MICAL2: variants seen among roughly 807,000 people sequenced by gnomAD.
MICAL2 encodes [F-actin]-monooxygenase MICAL2.
A neutral mutation model predicts 127.3 loss-of-function variants in MICAL2; 77 were observed. That is an observed-to-expected ratio of 0.60 (90% CI 0.50 to 0.73). The LOEUF (loss-of-function observed/expected upper bound fraction) is 0.73, where lower values mean the gene tolerates loss of function less well. MICAL2 is among the 30% of genes least tolerant of loss of function. The pLI, the probability that MICAL2 is intolerant of heterozygous loss-of-function variation, is 0.00. For synonymous variants in MICAL2, 570 were observed against 551.1 expected (o/e 1.03, Z -0.48); for missense variants, 1,351 against 1,434.4 (o/e 0.94, Z 0.94).
At chr11:12,127,989 A>G (rs1851089019) in intron 1 of MICAL2, among the ~76,000 whole-genome samples, 1 of 152,228 alleles carries the variant, frequency 6.6e-6, no homozygotes, top group African/African-American at 2.4e-5. Flanking sequence ...TTAGACTAGC[A>G]CCTGACATAT....
At chr11:12,297,863 A>T (rs2134798288) in intron 29 of MICAL2, among the ~76,000 whole-genome samples, 1 of 151,986 alleles carries the variant, frequency 6.6e-6, no homozygotes, top group African/African-American at 2.4e-5. Flanking sequence ...TATTCCATTT[A>T]GTTGTCTGTT....
downstream of MICAL2, chr11:12,294,903 G>T: frequency 7.1e-7 from 1 of 1,415,374 alleles, no homozygotes; most frequent in Non-Finnish European, 9.2e-7. Flanking sequence ...ATGCTGGGCA[G>T]TTAGTAATCT....
intron 2 of MICAL2, among the ~76,000 whole-genome samples, chr11:12,139,791 A>G (rs1007068604): frequency 6.6e-6 from 1 of 152,210 alleles, no homozygotes; most frequent in African/African-American, 2.4e-5. Context: ...GTGAATTCCA[A>G]TGTTGTCTGA....
chr11:12,324,062 A>G, exon 31 of MICAL2: 2 of 1,612,388 alleles, frequency 1.2e-6, no homozygotes, highest in Non-Finnish European at 1.7e-6. Flanking sequence ...AAGACTCTAT[A>G]AGGCTCAGGT....
At position 12,236,260 on chromosome 11, in the gene MICAL2, T is replaced by G. The variant is rs1196620361; in HGVS notation, c.2064+15T>G. The stretch of plus-strand genomic sequence containing the variant: ...ACCTGGACGAGGTTTGTGTACACAG[T>G]GTGGCTTTAAACAGAGGCTCGTTTC... On this transcript the variant is annotated intron_variant, in intron 16 of 27. Coordinates refer to ENST00000683283, the MANE Select transcript of MICAL2 (RefSeq NM_001282663.2). 1 of 1,613,324 alleles carries G rather than the reference T, an allele frequency of 6.2e-7. No individual in the cohort carries two copies. Among genetic ancestry groups the G allele is most frequent in the Non-Finnish European group, 8.5e-7 (1 of 1,179,250 alleles).
chr11:12,357,419 G>C (rs1939145054), intron 34 of MICAL2, among the ~76,000 whole-genome samples: 1 of 152,194 alleles, frequency 6.6e-6, no homozygotes, highest in Non-Finnish European at 1.5e-5. Context: ...AAGAAGGTCA[G>C]GTACTCGAGA....
intron 6 of MICAL2, among the ~76,000 whole-genome samples, chr11:12,211,840 A>G (rs949473417): frequency 4.6e-5 from 7 of 152,202 alleles, no homozygotes; most frequent in Admixed American, 4.6e-4. Flanking sequence ...GAAACGGTCC[A>G]ATGGCGGCGG....
intron 21 of MICAL2, among the ~76,000 whole-genome samples, chr11:12,244,691 T>C (rs777042854): frequency 9.9e-5 from 15 of 152,076 alleles, no homozygotes; most frequent in Non-Finnish European, 2.1e-4. Context: ...GGGATTTTGC[T>C]AGAGAGAAGT....
intron 4 of MICAL2, among the ~76,000 whole-genome samples, chr11:12,205,887 A>C (rs1854616250): frequency 6.6e-6 from 1 of 152,186 alleles, no homozygotes; most frequent in South Asian, 2.1e-4. Context: ...GGTAGGTGGG[A>C]GGAGGGCCCT....
chr11:12,238,180 T>C (rs2706636), intron 16 of MICAL2, among the ~76,000 whole-genome samples: 21,245 of 152,182 alleles, frequency 0.14, 1,560 homozygotes, highest in East Asian at 0.16. Context: ...AGAATGTCTG[T>C]TCCTGTGAGG....
chr11:12,207,494 T>A (rs894954690), intron 4 of MICAL2, among the ~76,000 whole-genome samples: 2 of 152,182 alleles, frequency 1.3e-5, no homozygotes, highest in Non-Finnish European at 2.9e-5. Context: ...GGGTAAGAGA[T>A]GGGGAACCAT....
At chr11:12,115,731 A>G (rs1482286415) in intron 1 of MICAL2, among the ~76,000 whole-genome samples, 1 of 152,132 alleles carries the variant, frequency 6.6e-6, no homozygotes, top group Non-Finnish European at 1.5e-5. Flanking sequence ...CTATTTTTCA[A>G]AATTTTTTGT....
At chr11:12,311,037 T>A (rs758877235) in intron 29 of MICAL2, among the ~76,000 whole-genome samples, 1 of 152,210 alleles carries the variant, frequency 6.6e-6, no homozygotes, top group Non-Finnish European at 1.5e-5. Context: ...ATTGATTTTG[T>A]ATCCTGCAAA....
rs1590452950 is a variant in MICAL2, at chr11:12,224,900, G to T, written c.1688+80G>T. On this transcript the variant is annotated intron_variant, in intron 13 of 27. Coordinates refer to ENST00000683283, the MANE Select transcript of MICAL2 (RefSeq NM_001282663.2). The stretch of plus-strand genomic sequence containing the variant: ...GCTGCATGCAGAATCTTCATTACTT[G>T]GTTCAATATTTCTCTTTCTGTGTTT... 35 of 1,482,126 alleles carry T rather than the reference G, an allele frequency of 2.4e-5. 1 individual carries two copies. The East Asian group carries it at 7.6e-4, about 32-fold the overall frequency. The allele number at this position is 1,482,126 out of a possible 1,614,324, so 91.8% of individuals were successfully genotyped here.
downstream of MICAL2, chr11:12,292,179 C>G (rs773243596): frequency 1.2e-6 from 2 of 1,613,962 alleles, no homozygotes; most frequent in East Asian, 2.2e-5. Flanking sequence ...ATGTCACCTC[C>G]TAAGGACCCT....
intron 1 of MICAL2, among the ~76,000 whole-genome samples, chr11:12,133,620 G>GA (rs57094544): frequency 1.7e-3 from 232 of 140,094 alleles, no homozygotes; most frequent in Middle Eastern, 3.6e-3. Flanking sequence ...AGGTGACTGA[G>GA]AAAAAAAAAA....
At chr11:12,246,247 C>T (rs892515919) in intron 21 of MICAL2, among the ~76,000 whole-genome samples, 2 of 152,384 alleles carry the variant, frequency 1.3e-5, no homozygotes, top group Admixed American at 6.5e-5. Flanking sequence ...GTCCCCATCA[C>T]ATCAGCATCA....
At chr11:12,264,044 G>A (rs1446876211), downstream of MICAL2, among the ~76,000 whole-genome samples, 1 of 152,102 alleles carries the variant, frequency 6.6e-6, no homozygotes, top group East Asian at 1.9e-4. Context: ...CTAGATGCTG[G>A]GCATAGTGGG....
upstream of MICAL2, among the ~76,000 whole-genome samples, chr11:12,275,268 C>T (rs998508356): frequency 4.6e-5 from 7 of 152,072 alleles, no homozygotes; most frequent in East Asian, 1.9e-4. Context: ...GACACGTAGA[C>T]GGAGATGCAA....
Sources: gnomAD v4.1 joint callset for allele counts (sites outside exome capture counted in the v4.1 genomes callset) on GRCh38, gnomAD v4.1.1 for gene constraint, MANE v1.5 for transcripts, NCBI Gene and HGNC (gene_info 2026-07-23, HGNC 2026-07-21) for gene names.